Variants in VSIG10 observed in about 807,000 individuals in gnomAD.
The protein encoded by VSIG10 is V-set and immunoglobulin domain-containing protein 10.
In VSIG10, 48 loss-of-function variants were observed where a neutral mutation model predicts 58.7. The observed-to-expected ratio is 0.82, with a 90% CI of 0.65 to 1.04. The LOEUF (loss-of-function observed/expected upper bound fraction) is 1.04. Ranked by LOEUF, VSIG10 falls within the 50% of genes least tolerant of loss-of-function variation. The pLI is 0.00. For synonymous variants in VSIG10, 260 were observed against 267.1 expected (o/e 0.97, Z 0.26); for missense variants, 628 against 670.0 (o/e 0.94, Z 0.69).
intron 2 of VSIG10, among the ~76,000 whole-genome samples, chr12:118,090,553 G>A (rs1045221895): frequency 1.6e-4 from 24 of 152,040 alleles, no homozygotes; most frequent in African/African-American, 5.8e-4. Context: ...TCTTACACAC[G>A]AGGCGAGGCC....
In VSIG10 at chr12:118,095,465, A is replaced by G. The variant is rs1450194403; in HGVS notation, c.361+68T>C. On this transcript the variant is annotated intron_variant, in intron 2 of 8. Coordinates refer to ENST00000359236, the MANE Select transcript of VSIG10 (RefSeq NM_019086.6). ...TCCGAACCCAAAACCCATATTCCTG[A>G]CCATGGTCTCCTCCTTTCCAAGGCT... 1.8e-5 allele frequency: 28 copies of G among 1,581,634 alleles called. No homozygotes were observed. In the East Asian group the frequency reaches 6.1e-4, roughly 34 times the overall value.
At chr12:118,079,024 C>T (rs1002980663) in intron 4 of VSIG10, among the ~76,000 whole-genome samples, 16 of 146,640 alleles carry the variant, frequency 1.1e-4, no homozygotes, top group Non-Finnish European at 1.9e-4. Context: ...AGTAAATGGA[C>T]AGACACAAAA....
chr12:118,103,646 T>C lies in VSIG10; in HGVS notation c.26A>G (p.Glu9Gly). The C allele has an allele frequency of 6.6e-7, 1 of 1,504,614 alleles. No homozygotes were observed. Among genetic ancestry groups the C allele is most frequent in the Non-Finnish European group, 8.8e-7 (1 of 1,132,354 alleles). 93.2% of individuals were successfully genotyped at this position (1,504,614 alleles called of 1,614,324 possible). A position where few individuals can be genotyped will look rare whatever the true frequency, so the allele number is the denominator to read the frequency against. Reference sequence around the variant, plus strand: ...CCCGAGGCAGACGAGGACGCGGGGCTCGGGCGCACTGCCGCCTGCGGCCAT... The same window carrying C: ...CCCGAGGCAGACGAGGACGCGGGGCCCGGGCGCACTGCCGCCTGCGGCCAT... MAAGGSAPEPRVLVCLGAL... is the reference protein window; with the variant it reads MAAGGSAPGPRVLVCLGAL... The change falls in exon 1 of 9, where the codon GAG becomes GGG. Residue 9 changes from glutamate to glycine, a missense_variant. Physicochemically the swap from Glu to Gly is moderately conservative, Grantham distance 98. Coordinates refer to ENST00000359236, the MANE Select transcript of VSIG10 (RefSeq NM_019086.6).
At chr12:118,072,934 T>A (rs1163926929) in intron 5 of VSIG10, among the ~76,000 whole-genome samples, 1 of 152,216 alleles carries the variant, frequency 6.6e-6, no homozygotes, top group Non-Finnish European at 1.5e-5. Context: ...TTTATTTTTC[T>A]AAACTCAAAT....
chr12:118,071,494 A>C, intron 5 of VSIG10, 25 bp from the exon 6 acceptor site: 1 of 1,596,598 alleles, frequency 6.3e-7, no homozygotes, highest in Non-Finnish European at 8.6e-7. Context: ...CACACCATTG[A>C]TTCTTCCATC....
intron 1 of VSIG10, among the ~76,000 whole-genome samples, chr12:118,098,236 CCT>C (rs528817574): frequency 1.3e-5 from 2 of 148,676 alleles, no homozygotes; most frequent in East Asian, 2.0e-4. Flanking sequence ...TCTGCCTCTC[CCT>C]CTCTCTCCGC....
At chr12:118,071,716 G>A (rs2032501604) in intron 5 of VSIG10, among the ~76,000 whole-genome samples, 2 of 152,226 alleles carry the variant, frequency 1.3e-5, no homozygotes, top group Admixed American at 1.3e-4. Flanking sequence ...CAAACACTGA[G>A]ACTATTTCTA....
At chr12:118,084,400 CTG>C (rs2033056745) in intron 2 of VSIG10, among the ~76,000 whole-genome samples, 1 of 152,334 alleles carries the variant, frequency 6.6e-6, no homozygotes, top group South Asian at 2.1e-4. Context: ...ACCACACAGT[CTG>C]TGCTAATCAG....
chr12:118,080,167 C>CTT (rs71069407), intron 3 of VSIG10, among the ~76,000 whole-genome samples: 3 of 142,658 alleles, frequency 2.1e-5, no homozygotes, highest in African/African-American at 5.1e-5. Context: ...TTTTTCTTTT[C>CTT]TTTTTTTTTT....
In VSIG10 at chr12:118,103,720, CGTGT is replaced by C; in HGVS notation, c.-53_-50del. Reference sequence around the variant, plus strand: ...AAACGCAGGCTCGGGCTGGGCTGGACGTGTGTGCCCCAGGGCCCCGGGGCCCGGG... The same window carrying C: ...AAACGCAGGCTCGGGCTGGGCTGGACGTGCCCCAGGGCCCCGGGGCCCGGG... On this transcript the variant is annotated 5_prime_UTR_variant, in exon 1 of 9. Transcript: ENST00000359236. The C allele has an allele frequency of 2.1e-6, 3 of 1,412,682 alleles. No individual in the cohort carries two copies. Among genetic ancestry groups the C allele is most frequent in the Non-Finnish European group, 2.8e-6 (3 of 1,088,264 alleles). 87.5% of individuals were successfully genotyped at this position (1,412,682 alleles called of 1,614,324 possible). A position where few individuals can be genotyped will look rare whatever the true frequency, so the allele number is the denominator to read the frequency against.
chr12:118,095,634 G>C lies in VSIG10; in HGVS notation c.260C>G (p.Ser87Cys), dbSNP rs759939581. Residue 87 changes from serine to cysteine, a missense_variant, in exon 2 of 9, where the codon TCC becomes TGC. By Grantham distance (112) the Ser-to-Cys change is moderately radical. Coordinates refer to ENST00000359236, the MANE Select transcript of VSIG10 (RefSeq NM_019086.6). Reference sequence around the variant, plus strand: ...CAGGCTCAGCGATTCAATGTGCAGGGAGGTGGCATCCACTAGAGAGAAGCG... The same window carrying C: ...CAGGCTCAGCGATTCAATGTGCAGGCAGGTGGCATCCACTAGAGAGAAGCG... ...EPRFSLVDATSLHIESLSLGD... is the reference protein window; with the variant it reads ...EPRFSLVDATCLHIESLSLGD... 1 of 1,613,950 alleles carries C rather than the reference G, an allele frequency of 6.2e-7. No individual in the cohort carries two copies. Among genetic ancestry groups the C allele is most frequent in the South Asian group, 1.1e-5 (1 of 91,076 alleles).
At chr12:118,068,213 T>TTTC (rs2032331488) in intron 8 of VSIG10, among the ~76,000 whole-genome samples, 164 bp downstream of exon 8, 1 of 147,850 alleles carries the variant, frequency 6.8e-6, no homozygotes, top group Admixed American at 6.7e-5. Context: ...TTTTTTTTTT[T>TTTC]TCGTAGAGAC....
In VSIG10 at chr12:118,074,012, CAAAGACAAATGTTT is replaced by C. The variant is rs774935800; in HGVS notation, c.926-34_926-21del. ...GACCCCCTGGTGATCAGAAGGTAAACAAAGACAAATGTTTAAAGAGATTCAAGTCATGGCCTGAG... is the reference window on the plus strand; with the variant it reads ...GACCCCCTGGTGATCAGAAGGTAAACAAAGAGATTCAAGTCATGGCCTGAG... On this transcript the variant is annotated intron_variant, in intron 4 of 8. Transcript: ENST00000359236. The C allele has an allele frequency of 1.6e-5, 24 of 1,526,788 alleles. No homozygotes were observed. The Middle Eastern group carries it at 7.1e-4, about 45-fold the overall frequency. The allele number at this position is 1,526,788 out of a possible 1,614,324, so 94.6% of individuals were successfully genotyped here.
Position 118,103,727 on chromosome 12 carries a change from GC to G in VSIG10, c.-57del. 1.4e-6 allele frequency: 2 copies of G among 1,384,296 alleles called. No homozygotes were observed. The highest frequency in any genetic ancestry group is 1.9e-6 in the Non-Finnish European group (2 of 1,073,818). The allele number at this position is 1,384,296 out of a possible 1,614,324, so 85.8% of individuals were successfully genotyped here. A position where few individuals can be genotyped will look rare whatever the true frequency, so the allele number is the denominator to read the frequency against. ...GGCTCGGGCTGGGCTGGACGTGTGT[GC>G]CCCAGGGCCCCGGGGCCCGGGGTAC... On this transcript the variant is annotated 5_prime_UTR_variant, in exon 1 of 9. Coordinates refer to ENST00000359236, the MANE Select transcript of VSIG10 (RefSeq NM_019086.6).
chr12:118,075,843 C>T (rs191304647), intron 4 of VSIG10, among the ~76,000 whole-genome samples: 1 of 152,262 alleles, frequency 6.6e-6, no homozygotes, highest in African/African-American at 2.4e-5. Flanking sequence ...TTGCTGAATG[C>T]TACAGAACTA....
intron 6 of VSIG10, 43 bp downstream of exon 6, chr12:118,071,316 C>G: frequency 6.3e-7 from 1 of 1,584,824 alleles, no homozygotes. Flanking sequence ...CGCACCTTTT[C>G]AAAAGTCTGG....
intron 2 of VSIG10, among the ~76,000 whole-genome samples, chr12:118,093,921 TAATAA>T (rs1566175958): frequency 6.6e-6 from 1 of 151,622 alleles, no homozygotes; most frequent in Non-Finnish European, 1.5e-5. Context: ...AAAATAATAA[TAATAA>T]AATAAAATAA....
intron 7 of VSIG10, 162 bp downstream of exon 7, chr12:118,070,890 G>A (rs750024465): frequency 9.8e-5 from 81 of 823,410 alleles, no homozygotes; most frequent in Non-Finnish European, 1.6e-4. Context: ...GATGATGAAA[G>A]GGTTTATAAG....
chr12:118,069,833 CA>C (rs1275616496), intron 7 of VSIG10, among the ~76,000 whole-genome samples: 1 of 152,190 alleles, frequency 6.6e-6, no homozygotes, highest in Non-Finnish European at 1.5e-5. Context: ...CCTGGTGAAA[CA>C]AATCAGGAGA....
Sources: allele counts gnomAD v4.1 joint callset (sites outside exome capture counted in the v4.1 genomes callset), GRCh38; gene constraint gnomAD v4.1.1; transcripts MANE v1.5; gene names NCBI Gene and HGNC (gene_info 2026-07-23, HGNC 2026-07-21).